The following FTH1 variants were observed in gnomAD, a reference collection of about 807,000 sequenced individuals.
FTH1 encodes the protein ferritin heavy chain.
Under a neutral mutation model 21.8 loss-of-function variants are expected in FTH1, and 3 were observed. The observed-to-expected ratio is 0.14, with a 90% CI of 0.06 to 0.36. The LOEUF (loss-of-function observed/expected upper bound fraction) is 0.36. Ranked by LOEUF, FTH1 falls within the 10% of genes least tolerant of loss-of-function variation. The pLI is 1.00. For missense variants in FTH1, 147 were observed against 225.8 expected, an observed-to-expected ratio of 0.65 and a Z score of 2.24; for synonymous variants, 83 against 90.1, an observed-to-expected ratio of 0.92 and a Z score of 0.45.
rs1942389019 is a variant in FTH1, at chr11:61,964,475, T to C, written c.*252A>G. On this transcript the variant is annotated 3_prime_UTR_variant, in exon 4 of 4. Transcript: ENST00000273550. ...CAAATACTCGTTTCTTTTTGATTAGTGTGATTAGAACTGAACAACGGCACT... is the reference window on the plus strand; with the variant it reads ...CAAATACTCGTTTCTTTTTGATTAGCGTGATTAGAACTGAACAACGGCACT... 1.6e-6 allele frequency: 1 copy of C among 616,642 alleles called. No individual in the cohort carries two copies. The highest frequency in any genetic ancestry group is 2.8e-6 in the Non-Finnish European group (1 of 355,164). The allele number at this position is 616,642 out of a possible 1,614,324, so 38.2% of individuals were successfully genotyped here. A position where few individuals can be genotyped will look rare whatever the true frequency, so the allele number is the denominator to read the frequency against.
chr11:61,965,830 A>G (rs191702409), intron 1 of FTH1, among the ~76,000 whole-genome samples: 164 of 152,294 alleles, frequency 1.1e-3, no homozygotes, highest in Non-Finnish European at 1.9e-3. Flanking sequence ...ACTTACAGCC[A>G]GTGTCAGAAT....
Position 61,967,483 on chromosome 11 carries a change from G to C in FTH1, c.-58C>G, listed in dbSNP as rs11554879. ...GGTGGCTGCGCGGCGCTGGAGCGGC[G>C]GCGGGGGCCTTGGGGCAGTCCGAGG... On this transcript the variant is annotated 5_prime_UTR_variant, in exon 1 of 4. Transcript: ENST00000273550. 1.2e-5 allele frequency: 15 copies of C among 1,218,892 alleles called. No homozygotes were observed. The highest frequency in any genetic ancestry group is 1.6e-5 in the Non-Finnish European group (14 of 854,168). 75.5% of individuals were successfully genotyped at this position (1,218,892 alleles called of 1,614,324 possible). A position where few individuals can be genotyped will look rare whatever the true frequency, so the allele number is the denominator to read the frequency against.
In FTH1 at chr11:61,965,124, T is replaced by C. The variant is rs373393355; in HGVS notation, c.262-12A>G. 7 of 1,603,266 alleles carry C rather than the reference T, an allele frequency of 4.4e-6. No homozygotes were observed. Among genetic ancestry groups the C allele is most frequent in the African/African-American group, 2.7e-5 (2 of 74,936 alleles). On this transcript the variant is annotated splice_polypyrimidine_tract_variant and intron_variant, in intron 2 of 3. Transcript: ENST00000273550. ...TCACAGTCTGGTTTCTGAATGAGAATAGGTTAATGCATCTCTACCAACTAA... is the reference window on the plus strand; with the variant it reads ...TCACAGTCTGGTTTCTGAATGAGAACAGGTTAATGCATCTCTACCAACTAA...
Position 61,964,300 on chromosome 11 carries a change from CT to C in FTH1, c.*426del. On this transcript the variant is annotated 3_prime_UTR_variant, in exon 4 of 4. Transcript: ENST00000273550. ...CCCAGACTACTTCAGCCTTTAATGC[CT>C]TTTATTCATAAAAACTGTGAAAGCT... The C allele has an allele frequency of 2.5e-6, 3 of 1,210,254 alleles. No homozygotes were observed. Among genetic ancestry groups the C allele is most frequent in the Non-Finnish European group, 3.4e-6 (3 of 879,670 alleles). The allele number at this position is 1,210,254 out of a possible 1,614,324, so 75.0% of individuals were successfully genotyped here. A position where few individuals can be genotyped will look rare whatever the true frequency, so the allele number is the denominator to read the frequency against.
intron 1 of FTH1, among the ~76,000 whole-genome samples, chr11:61,966,134 C>A (rs565677183): frequency 5.3e-4 from 80 of 152,180 alleles, no homozygotes; most frequent in Non-Finnish European, 8.7e-4. Flanking sequence ...AATAGCTGGG[C>A]GTGGTGGCGT....
rs2134490599 is a variant in FTH1, at chr11:61,967,420, C to G, written c.6G>C (p.Thr2=). Residue 2 remains threonine (T), a synonymous_variant, in exon 1 of 4, where the codon ACG becomes ACC. Coordinates refer to ENST00000273550, the MANE Select transcript of FTH1 (RefSeq NM_002032.3). M[T]TASTSQVRQN... is the part of the protein sequence containing the mutation. ...GGCGCACCTGCGAGGTGGACGCGGT[C>G]GTCATGGCGGCGACTAAGGAGAGGC... 3 of 1,599,050 alleles carry G rather than the reference C, an allele frequency of 1.9e-6. No homozygotes were observed. Among genetic ancestry groups the G allele is most frequent in the South Asian group, 2.2e-5 (2 of 90,604 alleles).
chr11:61,966,264 ACT>A (rs753507068), intron 1 of FTH1, among the ~76,000 whole-genome samples: 13 of 152,048 alleles, frequency 8.5e-5, no homozygotes, highest in East Asian at 1.9e-4. Context: ...ACAGAGCGAG[ACT>A]CTGTCTCTCA....
At chr11:61,965,831 G>A (rs1942444337) in intron 1 of FTH1, among the ~76,000 whole-genome samples, 2 of 152,208 alleles carry the variant, frequency 1.3e-5, no homozygotes, top group South Asian at 4.1e-4. Context: ...CTTACAGCCA[G>A]TGTCAGAATT....
At chr11:61,966,048 G>C (rs1278334426) in intron 1 of FTH1, among the ~76,000 whole-genome samples, 1 of 152,192 alleles carries the variant, frequency 6.6e-6, no homozygotes, top group Non-Finnish European at 1.5e-5. Flanking sequence ...GCCGAGGCAG[G>C]CGGATCACGA....
At position 61,964,321 on chromosome 11, in the gene FTH1, A is replaced by G. The variant is rs1942377757; in HGVS notation, c.*406T>C. 2.9e-6 allele frequency: 3 copies of G among 1,043,476 alleles called. No homozygotes were observed. The highest frequency in any genetic ancestry group is 4.1e-6 in the Non-Finnish European group (3 of 734,670). The allele number at this position is 1,043,476 out of a possible 1,614,324, so 64.6% of individuals were successfully genotyped here. ...ATGCCTTTTATTCATAAAAACTGTG[A>G]AAGCTAGACTGAACCATTGGAAACA... is the stretch of plus-strand genomic sequence containing the variant. On this transcript the variant is annotated 3_prime_UTR_variant, in exon 4 of 4. Coordinates refer to ENST00000273550, the MANE Select transcript of FTH1 (RefSeq NM_002032.3).
rs1279832871 is a variant in FTH1, at chr11:61,967,503, C to T, written c.-78G>A. 2 of 995,524 alleles carry T rather than the reference C, an allele frequency of 2.0e-6. No homozygotes were observed. Among genetic ancestry groups the T allele is most frequent in the East Asian group, 2.6e-5 (1 of 38,108 alleles). 61.7% of individuals were successfully genotyped at this position (995,524 alleles called of 1,614,324 possible). ...GCGGCGGCGGGGGCCTTGGGGCAGT[C>T]CGAGGGTGCGGTGAAGAGGTGACGG... On this transcript the variant is annotated 5_prime_UTR_variant, in exon 1 of 4. Transcript: ENST00000273550.
Position 61,965,223 on chromosome 11 carries a change from A to C in FTH1, c.262-111T>G, listed in dbSNP as rs574498507. The C allele has an allele frequency of 5.0e-6, 8 of 1,591,710 alleles. No homozygotes were observed. The African/African-American group carries it at 1.1e-4, about 21-fold the overall frequency. Reference sequence around the variant, plus strand: ...AGGGACATTACTATTTGCCTAATTTAGTTTAGATGGTAAGCCTAAAAAAGC... The same window carrying C: ...AGGGACATTACTATTTGCCTAATTTCGTTTAGATGGTAAGCCTAAAAAAGC... On this transcript the variant is annotated intron_variant, in intron 2 of 3. Transcript: ENST00000273550.
chr11:61,965,339 A>AGTATGAC lies in FTH1; in HGVS notation c.261+23_261+29dup, dbSNP rs60517521. The AGTATGAC allele has an allele frequency of 0.057, 91,456 of 1,611,854 alleles. 7,878 individuals carry two copies. Among genetic ancestry groups the AGTATGAC allele is most frequent in the South Asian group, 0.33 (30,352 of 90,906 alleles). On this transcript the variant is annotated intron_variant, in intron 2 of 3. Coordinates refer to ENST00000273550, the MANE Select transcript of FTH1 (RefSeq NM_002032.3). Reference sequence around the variant, plus strand: ...ATACCCGAACACTGCCAGATGATGAAGTATGACACCCCTAGGATCTTTTGT... The same window carrying AGTATGAC: ...ATACCCGAACACTGCCAGATGATGAAGTATGACGTATGACACCCCTAGGATCTTTTGT...
intron 1 of FTH1, 57 bp downstream of exon 1, chr11:61,967,255 G>GCGCGCCCCGGGAAC (rs1371741433): frequency 1.7e-6 from 2 of 1,157,614 alleles, no homozygotes; most frequent in Non-Finnish European, 2.4e-6. Context: ...CCGCCCCAGC[G>GCGCGCCCCGGGAAC]CGCGCCCCGG....
At position 61,964,574 on chromosome 11, in the gene FTH1, A is replaced by C; in HGVS notation, c.*153T>G. The C allele has an allele frequency of 1.1e-6, 1 of 897,864 alleles. No homozygotes were observed. Among genetic ancestry groups the C allele is most frequent in the Non-Finnish European group, 1.7e-6 (1 of 577,498 alleles). The allele number at this position is 897,864 out of a possible 1,614,324, so 55.6% of individuals were successfully genotyped here. A position where few individuals can be genotyped will look rare whatever the true frequency, so the allele number is the denominator to read the frequency against. ...CCTCAAAGACAACACCTGGGTACCA[A>C]ATTTCTTTATTTGAAGGAATGGTAC... On this transcript the variant is annotated 3_prime_UTR_variant, in exon 4 of 4. Coordinates refer to ENST00000273550, the MANE Select transcript of FTH1 (RefSeq NM_002032.3).
At position 61,967,402 on chromosome 11, in the gene FTH1, C is replaced by G. The variant is rs1484801250; in HGVS notation, c.24G>C (p.Gln8His). The stretch of plus-strand genomic sequence containing the variant: ...AGTCCTGGTGGTAGTTCTGGCGCAC[C>G]TGCGAGGTGGACGCGGTCGTCATGG... The part of the protein sequence containing the change: MTTASTS[Q>H]VRQNYHQDSE... Residue 8 changes from glutamine (Q) to histidine (H), a missense_variant, in exon 1 of 4, where the codon CAG becomes CAC. Transcript: ENST00000273550. 7.5e-6 allele frequency: 12 copies of G among 1,604,496 alleles called. No homozygotes were observed. Among genetic ancestry groups the G allele is most frequent in the Non-Finnish European group, 1.0e-5 (12 of 1,176,756 alleles).
At chr11:61,965,786 C>T (rs998964999) in intron 1 of FTH1, among the ~76,000 whole-genome samples, 2 of 152,120 alleles carry the variant, frequency 1.3e-5, no homozygotes, top group Non-Finnish European at 2.9e-5. Context: ...TTGCCTGGGG[C>T]AATGTCTTAA....
chr11:61,965,288 G>A, intron 2 of FTH1, 81 bp downstream of exon 2: 1 of 1,597,540 alleles, frequency 6.3e-7, no homozygotes, highest in Non-Finnish European at 8.6e-7. Flanking sequence ...CTTTATAAGG[G>A]CAATTGCTAG....
intron 1 of FTH1, 121 bp downstream of exon 1, chr11:61,967,191 T>G (rs1351723634): frequency 1.4e-5 from 7 of 504,078 alleles, no homozygotes; most frequent in Non-Finnish European, 2.4e-5. Context: ...CAGCCTCCAT[T>G]TTCCAGAAGG....
Sources: gnomAD v4.1 joint callset for allele counts (sites outside exome capture counted in the v4.1 genomes callset) on GRCh38, gnomAD v4.1.1 for gene constraint, MANE v1.5 for transcripts, NCBI Gene and HGNC (gene_info 2026-07-23, HGNC 2026-07-21) for gene names.